SDK1: variants seen among roughly 807,000 people sequenced by gnomAD.
The protein encoded by SDK1 is sidekick cell adhesion molecule 1, also known as protein sidekick-1.
SDK1 carries 157 observed loss-of-function variants against 245.5 expected under a neutral mutation model. That is an observed-to-expected ratio of 0.64 (90% CI 0.56 to 0.73). The LOEUF (loss-of-function observed/expected upper bound fraction) is 0.73. Among genes scored for constraint, SDK1 ranks in the 30% least tolerant of loss-of-function variants. SDK1 has a pLI of 0.00. For synonymous variants in SDK1, 1,647 were observed against 1,278.5 expected, an observed-to-expected ratio of 1.29 and a Z score of -6.15; for missense variants, 3,583 against 3,002.3, an observed-to-expected ratio of 1.19 and a Z score of -4.52.
chr7:3,930,790 C>T (rs1779949556), intron 5 of SDK1, among the ~76,000 whole-genome samples: 2 of 151,746 alleles, frequency 1.3e-5, no homozygotes, highest in African/African-American at 4.9e-5. Flanking sequence ...GACACTCTGT[C>T]TCACCGAAAA....
chr7:3,566,542 CAT>C (rs1779925956), intron 1 of SDK1, among the ~76,000 whole-genome samples: 1 of 151,944 alleles, frequency 6.6e-6, no homozygotes, highest in African/African-American at 2.4e-5. Flanking sequence ...TTCTTAAAAA[CAT>C]AAAGCAGTAG....
At chr7:3,370,147 G>A (rs926826613) in intron 1 of SDK1, among the ~76,000 whole-genome samples, 2 of 152,202 alleles carry the variant, frequency 1.3e-5, no homozygotes, top group African/African-American at 2.4e-5. Flanking sequence ...TGACTTGAGA[G>A]AGTATGGTTT....
In SDK1 at chr7:3,672,787, ATATATAT is replaced by A. The variant is rs1562646772; in HGVS notation, c.713+30683_713+30689del. On this transcript the variant is annotated intron_variant, in intron 4 of 44. Coordinates refer to ENST00000404826, the MANE Select transcript of SDK1 (RefSeq NM_152744.4). ...TATATATATATATATATATATATAT[ATATATAT>A]AAAAAATACAGAAAGCTCTAAGTAT... Among the ~76,000 whole-genome samples, 309 of 106,760 alleles carry A rather than the reference ATATATAT, an allele frequency of 2.9e-3. 15 individuals are homozygous for A. Among genetic ancestry groups the A allele is most frequent in the Non-Finnish European group, 1.5e-3 (77 of 52,422 alleles). The allele number at this position is 106,760 out of a possible 152,430, so 70.0% of individuals were successfully genotyped here. A position where few individuals can be genotyped will look rare whatever the true frequency, so the allele number is the denominator to read the frequency against.
intron 4 of SDK1, among the ~76,000 whole-genome samples, chr7:3,805,827 G>T (rs1032324076): frequency 2.0e-5 from 3 of 152,186 alleles, no homozygotes; most frequent in African/African-American, 7.2e-5. Context: ...TTAGTGATCT[G>T]TCAAAGAATG....
chr7:4,172,619 C>T (rs1223289424), intron 32 of SDK1, among the ~76,000 whole-genome samples: 1 of 152,184 alleles, frequency 6.6e-6, no homozygotes, highest in East Asian at 1.9e-4. Context: ...AGTTACTACG[C>T]ATTAGGTGGT....
chr7:4,201,969 G>A (rs927324613), intron 35 of SDK1, among the ~76,000 whole-genome samples: 5 of 152,170 alleles, frequency 3.3e-5, no homozygotes, highest in Non-Finnish European at 5.9e-5. Context: ...CATGCACCCC[G>A]TGTTCCCACC....
chr7:4,103,224 T>A (rs1035983518), intron 22 of SDK1, among the ~76,000 whole-genome samples: 3 of 151,956 alleles, frequency 2.0e-5, no homozygotes, highest in African/African-American at 7.3e-5. Context: ...ATGGTCTCAA[T>A]CTCCTGACCT....
intron 1 of SDK1, among the ~76,000 whole-genome samples, chr7:3,497,815 C>G (rs150772091): frequency 5.9e-5 from 9 of 152,320 alleles, no homozygotes; most frequent in African/African-American, 2.2e-4. Context: ...ATTTGACAGA[C>G]AAACACTGTC....
chr7:3,311,082 C>T (rs996149949), intron 1 of SDK1, among the ~76,000 whole-genome samples: 11 of 151,820 alleles, frequency 7.2e-5, no homozygotes, highest in East Asian at 1.9e-4. Context: ...TGATGAGTCA[C>T]GGTAGTAGAG....
intron 4 of SDK1, among the ~76,000 whole-genome samples, chr7:3,759,694 C>T (rs111533315): frequency 0.031 from 4,752 of 151,850 alleles, 220 homozygotes; most frequent in African/African-American, 0.097. Flanking sequence ...CGGGTTCAGG[C>T]GATTCTTCTG....
chr7:3,317,017 A>G (rs950456731), intron 1 of SDK1, among the ~76,000 whole-genome samples: 2 of 151,572 alleles, frequency 1.3e-5, no homozygotes, highest in African/African-American at 2.4e-5. Context: ...CTGTCTCTAC[A>G]CAACGTACAA....
At chr7:3,595,101 T>G (rs984161654) in intron 1 of SDK1, among the ~76,000 whole-genome samples, 3 of 152,206 alleles carry the variant, frequency 2.0e-5, no homozygotes, top group South Asian at 2.1e-4. Flanking sequence ...CGTAGAAGAT[T>G]GAAGTCAGAT....
chr7:3,341,832 C>G (rs1290988159), intron 1 of SDK1, among the ~76,000 whole-genome samples: 1 of 152,162 alleles, frequency 6.6e-6, no homozygotes, highest in Admixed American at 6.5e-5. Context: ...ATATTCAACA[C>G]GGTAAATGTG....
chr7:3,709,861 C>A (rs1012564903), intron 4 of SDK1, among the ~76,000 whole-genome samples: 2 of 152,206 alleles, frequency 1.3e-5, no homozygotes, highest in African/African-American at 4.8e-5. Flanking sequence ...TGCTGTTTGT[C>A]ATCAAGGCCC....
intron 1 of SDK1, among the ~76,000 whole-genome samples, chr7:3,371,725 G>A (rs912594933): frequency 6.6e-6 from 1 of 152,156 alleles, no homozygotes; most frequent in Non-Finnish European, 1.5e-5. Context: ...AAAGGTAGAC[G>A]TGGAGGACAG....
chr7:3,411,063 A>G (rs1344557642), intron 1 of SDK1, among the ~76,000 whole-genome samples: 1 of 152,164 alleles, frequency 6.6e-6, no homozygotes, highest in Admixed American at 6.5e-5. Flanking sequence ...CTTTGTAATG[A>G]AAATCATCAT....
At chr7:3,591,106 C>A (rs1780859500) in intron 1 of SDK1, among the ~76,000 whole-genome samples, 1 of 152,034 alleles carries the variant, frequency 6.6e-6, no homozygotes, top group African/African-American at 2.4e-5. Flanking sequence ...AGGTAGATTC[C>A]TGTATTTTAA....
intron 30 of SDK1, among the ~76,000 whole-genome samples, chr7:4,153,720 G>T (rs1170250521): frequency 6.6e-6 from 1 of 152,166 alleles, no homozygotes; most frequent in Non-Finnish European, 1.5e-5. Context: ...TCTGTCACCT[G>T]GGCTGGAGTG....
At chr7:4,260,730 G>C in intron 44 of SDK1, among the ~76,000 whole-genome samples, 1 of 148,006 alleles carries the variant, frequency 6.8e-6, no homozygotes, top group Non-Finnish European at 1.5e-5. Context: ...GGGAGGATGT[G>C]TTCATCGTCA....
Sources: allele counts gnomAD v4.1 joint callset (sites outside exome capture counted in the v4.1 genomes callset), GRCh38; gene constraint gnomAD v4.1.1; transcripts MANE v1.5; gene names NCBI Gene and HGNC (gene_info 2026-07-23, HGNC 2026-07-21).